FZD6: variants seen among roughly 807,000 people sequenced by gnomAD.
FZD6 encodes the protein frizzled-6.
FZD6 carries 49 observed loss-of-function variants against 61.4 expected under a neutral mutation model. That is an observed-to-expected ratio of 0.80 (90% confidence interval 0.63 to 1.01). The LOEUF is 1.01. FZD6 is among the 50% of genes least tolerant of loss of function. The pLI is 0.00. For missense variants in FZD6, 724 were observed against 848.2 expected (o/e 0.85, Z 1.82); for synonymous variants, 265 against 292.2 (o/e 0.91, Z 0.95).
intron 6 of FZD6, among the ~76,000 whole-genome samples, chr8:103,330,990 A>G (rs530056914): frequency 1.3e-5 from 2 of 152,298 alleles, no homozygotes; most frequent in South Asian, 2.1e-4. Flanking sequence ...ATTCTGGCTA[A>G]CATGGTGAAA....
At chr8:103,311,567 C>T (rs1445679768) in intron 2 of FZD6, among the ~76,000 whole-genome samples, 1 of 151,532 alleles carries the variant, frequency 6.6e-6, no homozygotes, top group African/African-American at 2.4e-5. Flanking sequence ...GACTCTATCT[C>T]TACTTGGGAG....
At position 103,329,957 on chromosome 8, in the gene FZD6, G is replaced by C. The variant is rs1444393939; in HGVS notation, c.1844G>C (p.Cys615Ser). The C allele has an allele frequency of 3.7e-6, 6 of 1,614,016 alleles. No homozygotes were observed. The highest frequency in any genetic ancestry group is 1.3e-5 in the African/African-American group (1 of 74,934). The change falls in exon 6 of 7, where the codon TGT becomes TCT. Residue 615 changes from cysteine (C) to serine (S), a missense_variant. Coordinates refer to ENST00000358755, the MANE Select transcript of FZD6 (RefSeq NM_003506.4). ...ACCCCCAGGTTAAGAGAACAGGACT[G>C]TGGTGAACCTGCCTCGCCAGCAGCA... is the stretch of plus-strand genomic sequence containing the variant. ...ASTPRLREQD[C>S]GEPASPAASI...
chr8:103,304,676 A>G (rs1814279185), intron 2 of FZD6, among the ~76,000 whole-genome samples: 1 of 152,244 alleles, frequency 6.6e-6, no homozygotes, highest in South Asian at 2.1e-4. Flanking sequence ...CTTTATTTAC[A>G]AAAACAGGCA....
chr8:103,310,593 A>T (rs752716922), intron 2 of FZD6, among the ~76,000 whole-genome samples: 1 of 152,130 alleles, frequency 6.6e-6, no homozygotes, highest in African/African-American at 2.4e-5. Context: ...CTTGAGTCAA[A>T]AATTCAGAGA....
chr8:103,316,950 C>T (rs1471921867), intron 2 of FZD6, among the ~76,000 whole-genome samples: 1 of 152,158 alleles, frequency 6.6e-6, no homozygotes, highest in African/African-American at 2.4e-5. Flanking sequence ...AAAATCCTTT[C>T]CCTCTTTGAA....
At chr8:103,308,811 A>C (rs1244103367) in intron 2 of FZD6, among the ~76,000 whole-genome samples, 1 of 152,156 alleles carries the variant, frequency 6.6e-6, no homozygotes, top group African/African-American at 2.4e-5. Flanking sequence ...TGACCTGATG[A>C]TCTCTAGATG....
chr8:103,322,564 T>G (rs1814822507), intron 3 of FZD6, among the ~76,000 whole-genome samples: 1 of 152,232 alleles, frequency 6.6e-6, no homozygotes, highest in South Asian at 2.1e-4. Context: ...ATCCATTCAC[T>G]GACCTTTTCC....
chr8:103,307,175 T>C (rs1814359754), intron 2 of FZD6, among the ~76,000 whole-genome samples: 1 of 152,210 alleles, frequency 6.6e-6, no homozygotes, highest in African/African-American at 2.4e-5. Context: ...GCTTTATATA[T>C]TTTTAAGAAA....
intron 2 of FZD6, among the ~76,000 whole-genome samples, chr8:103,302,287 C>T (rs1814194509): frequency 6.6e-6 from 1 of 152,070 alleles, no homozygotes; most frequent in African/African-American, 2.4e-5. Context: ...CTTTTAGTTC[C>T]TGTATTTGAA....
intron 2 of FZD6, among the ~76,000 whole-genome samples, chr8:103,312,094 CA>C (rs1434637148): frequency 2.0e-5 from 3 of 152,190 alleles, no homozygotes; most frequent in African/African-American, 7.2e-5. Context: ...GGCTGTTTTT[CA>C]CGATAGAGAT....
Position 103,329,305 on chromosome 8 carries a change from C to T in FZD6, c.1542-350C>T, listed in dbSNP as rs1365280744. ...TAATTATATTCTCTATCCTTTTCTT[C>T]TGGTTTACTTTTATATTACATATTT... On this transcript the variant is annotated intron_variant, in intron 5 of 6. Transcript: ENST00000358755. Among the ~76,000 whole-genome samples the T allele has an allele frequency of 2.0e-5, 3 of 151,360 alleles. No individual in the cohort carries two copies. The East Asian group carries it at 5.8e-4, about 29-fold the overall frequency.
chr8:103,314,669 A>T, intron 2 of FZD6, among the ~76,000 whole-genome samples: 1 of 152,096 alleles, frequency 6.6e-6, no homozygotes, highest in Admixed American at 6.5e-5. Flanking sequence ...CTTCATAGCT[A>T]TTGTCCTCTA....
upstream of FZD6, chr8:103,298,748 G>A (rs1814045234): frequency 6.7e-6 from 1 of 148,816 alleles, no homozygotes; most frequent in Non-Finnish European, 1.5e-5. Flanking sequence ...GCGCAGCGCA[G>A]GCGGTGCCCG....
At position 103,325,415 on chromosome 8, in the gene FZD6, T is replaced by G; in HGVS notation, c.1309T>G (p.Tyr437Asp). 1 of 1,613,490 alleles carries G rather than the reference T, an allele frequency of 6.2e-7. No homozygotes were observed. The highest frequency in any genetic ancestry group is 8.5e-7 in the Non-Finnish European group (1 of 1,179,404). ...AGTGACACTTCTCGGATGTTACGTC[T>G]ATGAGCAAGTGAACAGGATTACCTG... ...PLVTLLGCYV[Y>D]EQVNRITWEI... is the part of the protein sequence containing the mutation. Residue 437 changes from tyrosine (Y) to aspartate (D), a missense_variant, in exon 4 of 7, where the codon TAT (tyrosine) becomes GAT (aspartate). Physicochemically the swap from Tyr to Asp is radical, Grantham distance 160. Transcript: ENST00000358755.
At chr8:103,315,808 G>T (rs1814610663) in intron 2 of FZD6, among the ~76,000 whole-genome samples, 1 of 152,170 alleles carries the variant, frequency 6.6e-6, no homozygotes, top group South Asian at 2.1e-4. Flanking sequence ...AATACTAAAA[G>T]GCTTTGAACA....
At chr8:103,306,727 A>C (rs938714065) in intron 2 of FZD6, among the ~76,000 whole-genome samples, 9 of 151,580 alleles carry the variant, frequency 5.9e-5, no homozygotes, top group African/African-American at 2.2e-4. Context: ...GGATGGTCTC[A>C]ATCTCCTGAC....
intron 2 of FZD6, among the ~76,000 whole-genome samples, chr8:103,314,226 ATTAC>A (rs925756458): frequency 6.6e-6 from 1 of 152,208 alleles, no homozygotes; most frequent in Non-Finnish European, 1.5e-5. Flanking sequence ...GAACTATATA[ATTAC>A]TTCTTAAGTG....
chr8:103,325,142 A>C lies in FZD6; in HGVS notation c.1036A>C (p.Asn346His). 6.2e-7 allele frequency: 1 copy of C among 1,614,122 alleles called. No homozygotes were observed. The highest frequency in any genetic ancestry group is 8.5e-7 in the Non-Finnish European group (1 of 1,179,968). ...CCTGACTGTTATGCTTCTTGCTATG[A>C]ACAAAGTTGAAGGAGACAACATTAG... The part of the protein sequence containing the change: ...GFLTVMLLAM[N>H]KVEGDNISGV... The change falls in exon 4 of 7, where the codon AAC (asparagine) becomes CAC (histidine). Residue 346 changes from asparagine to histidine, a missense_variant. Physicochemically the swap from Asn to His is moderately conservative, Grantham distance 68. Transcript: ENST00000358755.
At chr8:103,315,119 A>G (rs552256903) in intron 2 of FZD6, among the ~76,000 whole-genome samples, 2 of 152,132 alleles carry the variant, frequency 1.3e-5, no homozygotes, top group South Asian at 2.1e-4. Context: ...TTTCATTTCA[A>G]TGGCATTTCG....
Sources: allele counts gnomAD v4.1 joint callset (sites outside exome capture counted in the v4.1 genomes callset), GRCh38; gene constraint gnomAD v4.1.1; transcripts MANE v1.5; gene names NCBI Gene and HGNC (gene_info 2026-07-23, HGNC 2026-07-21).